CLSTN2: variants seen among roughly 807,000 people sequenced by gnomAD.
CLSTN2 encodes calsyntenin 2.
In CLSTN2, 48 loss-of-function variants were observed where a neutral mutation model predicts 101.2. That is an observed-to-expected ratio of 0.47 (90% CI 0.38 to 0.60). CLSTN2 has a LOEUF of 0.60. CLSTN2 is among the 20% of genes least tolerant of loss of function. CLSTN2 has a pLI of 0.00. For missense variants in CLSTN2, 1,160 were observed against 1,238.2 expected, an observed-to-expected ratio of 0.94 and a Z score of 0.95; for synonymous variants, 481 against 463.6, an observed-to-expected ratio of 1.04 and a Z score of -0.48.
chr3:139,942,838 C>A (rs566047633), intron 1 of CLSTN2, among the ~76,000 whole-genome samples: 1 of 152,262 alleles, frequency 6.6e-6, no homozygotes, highest in African/African-American at 2.4e-5. Flanking sequence ...ACTTGAAGCC[C>A]ATTTCTTTCA....
At chr3:140,304,595 C>T (rs1032554545) in intron 2 of CLSTN2, among the ~76,000 whole-genome samples, 2 of 152,212 alleles carry the variant, frequency 1.3e-5, no homozygotes, top group Non-Finnish European at 2.9e-5. Context: ...TTCCAAATAC[C>T]CTCATATTGG....
At chr3:140,089,177 C>T (rs968019550) in intron 1 of CLSTN2, among the ~76,000 whole-genome samples, 1 of 152,192 alleles carries the variant, frequency 6.6e-6, no homozygotes, top group Admixed American at 6.5e-5. Context: ...GGGCTCACAC[C>T]TTTTACCTCA....
At chr3:140,447,912 TA>T (rs1933124818) in intron 5 of CLSTN2, among the ~76,000 whole-genome samples, 1 of 152,180 alleles carries the variant, frequency 6.6e-6, no homozygotes, top group Non-Finnish European at 1.5e-5. Flanking sequence ...GAAATGAATG[TA>T]AGAAGGTTGC....
intron 1 of CLSTN2, among the ~76,000 whole-genome samples, chr3:140,128,696 C>A (rs996468809): frequency 1.3e-5 from 2 of 152,152 alleles, no homozygotes; most frequent in Admixed American, 1.3e-4. Context: ...CGAATAAATA[C>A]CCCAATTCCT....
At chr3:139,938,392 T>G (rs573482224) in intron 1 of CLSTN2, among the ~76,000 whole-genome samples, 1 of 152,312 alleles carries the variant, frequency 6.6e-6, no homozygotes, top group South Asian at 2.1e-4. Flanking sequence ...TGCTTCTTGC[T>G]TTAGGGACTC....
chr3:140,425,158 A>G (rs1034929471), intron 5 of CLSTN2, among the ~76,000 whole-genome samples: 1 of 152,188 alleles, frequency 6.6e-6, no homozygotes, highest in Admixed American at 6.5e-5. Flanking sequence ...CATTACACGC[A>G]AGAGCTCCCA....
chr3:140,076,543 A>G (rs1203968007), intron 1 of CLSTN2, among the ~76,000 whole-genome samples: 2 of 149,734 alleles, frequency 1.3e-5, no homozygotes, highest in Non-Finnish European at 1.5e-5. Context: ...GATGGATGTC[A>G]ATGCCGGCCT....
At chr3:140,071,700 G>A (rs1347365802) in intron 1 of CLSTN2, among the ~76,000 whole-genome samples, 7 of 151,934 alleles carry the variant, frequency 4.6e-5, no homozygotes, top group Non-Finnish European at 5.9e-5. Context: ...GCGTGGTGGC[G>A]GGCGCCTGTA....
chr3:139,977,596 A>G (rs548753332), intron 1 of CLSTN2, among the ~76,000 whole-genome samples: 8 of 152,204 alleles, frequency 5.3e-5, no homozygotes, highest in East Asian at 3.9e-4. Flanking sequence ...AGTCTGTGCC[A>G]GCACCATTCC....
intron 1 of CLSTN2, among the ~76,000 whole-genome samples, chr3:139,999,694 C>T (rs1241648882): frequency 6.6e-6 from 1 of 152,172 alleles, no homozygotes; most frequent in Non-Finnish European, 1.5e-5. Context: ...AAATTGGAGA[C>T]AGACAATTTG....
intron 2 of CLSTN2, among the ~76,000 whole-genome samples, chr3:140,353,647 T>C (rs558452567): frequency 6.6e-6 from 1 of 152,156 alleles, no homozygotes; most frequent in African/African-American, 2.4e-5. Flanking sequence ...ATCACACCAA[T>C]GAGGTCCTAG....
At position 140,167,946 on chromosome 3, in the gene CLSTN2, C is replaced by A. The variant is rs137924582; in HGVS notation, c.110-8005C>A. On this transcript the variant is annotated intron_variant, in intron 1 of 16. Coordinates refer to ENST00000458420, the MANE Select transcript of CLSTN2 (RefSeq NM_022131.3). Reference sequence around the variant, plus strand: ...TCTGGATATTCTGCAATTTGTTTATCCATTCACTAGTTGACGGCCATTTTA... The same window carrying A: ...TCTGGATATTCTGCAATTTGTTTATACATTCACTAGTTGACGGCCATTTTA... 3.1e-3 allele frequency among the ~76,000 whole-genome samples: 473 copies of A among 152,246 alleles called. 5 individuals are homozygous for A. Among genetic ancestry groups the A allele is most frequent in the African/African-American group, 0.011 (460 of 41,522 alleles).
rs768744258 is a variant in CLSTN2 at position 139,990,794 on chromosome 3, A to G, written c.109+55311A>G. 6.6e-5 allele frequency among the ~76,000 whole-genome samples: 10 copies of G among 152,316 alleles called. No individual in the cohort carries two copies. In the South Asian group the frequency reaches 1.9e-3, roughly 28 times the overall value. On this transcript the variant is annotated intron_variant, in intron 1 of 16. Transcript: ENST00000458420. ...AAGATGCCCTTGTAGTTCTCACTGTAATGGTTTAATTCACTTGTTTTCCCC... is the reference window on the plus strand; with the variant it reads ...AAGATGCCCTTGTAGTTCTCACTGTGATGGTTTAATTCACTTGTTTTCCCC...
At chr3:140,539,092 C>T (rs779349390) in intron 9 of CLSTN2, among the ~76,000 whole-genome samples, 3 of 152,186 alleles carry the variant, frequency 2.0e-5, no homozygotes, top group East Asian at 1.9e-4. Flanking sequence ...TCTGAGAGAT[C>T]CTCTCCTCTG....
chr3:140,203,573 C>A (rs1336785508), intron 2 of CLSTN2, among the ~76,000 whole-genome samples: 1 of 141,328 alleles, frequency 7.1e-6, no homozygotes, highest in Admixed American at 7.7e-5. Context: ...GACCACGGTG[C>A]AATTTGGCGC....
rs150439274 is a variant in CLSTN2, at chr3:140,257,900, A to G, written c.232+81827A>G. On this transcript the variant is annotated intron_variant, in intron 2 of 16. Transcript: ENST00000458420. Reference sequence around the variant, plus strand: ...CCAATAGACAAATAACTGGGTCAAAAGATATAAACATAGTTAAGGCTCTTC... The same window carrying G: ...CCAATAGACAAATAACTGGGTCAAAGGATATAAACATAGTTAAGGCTCTTC... 2.8e-3 allele frequency among the ~76,000 whole-genome samples: 428 copies of G among 152,272 alleles called. 1 individual carries two copies. Among genetic ancestry groups the G allele is most frequent in the African/African-American group, 9.6e-3 (397 of 41,554 alleles).
At chr3:139,996,428 C>T (rs1472465063) in intron 1 of CLSTN2, among the ~76,000 whole-genome samples, 4 of 152,114 alleles carry the variant, frequency 2.6e-5, no homozygotes, top group Admixed American at 1.3e-4. Context: ...CTCGCTCTGT[C>T]GCCCAGGCTG....
intron 2 of CLSTN2, among the ~76,000 whole-genome samples, chr3:140,362,044 T>A (rs1164400488): frequency 6.6e-6 from 1 of 152,176 alleles, no homozygotes; most frequent in Non-Finnish European, 1.5e-5. Flanking sequence ...AGTCAAAGAC[T>A]TAGGCTTTGT....
intron 1 of CLSTN2, among the ~76,000 whole-genome samples, chr3:140,082,045 T>C (rs1204156354): frequency 1.3e-5 from 2 of 152,152 alleles, no homozygotes; most frequent in South Asian, 2.1e-4. Flanking sequence ...ACAAGCCTAT[T>C]AGAGGTGCTA....
Sources: gnomAD v4.1 joint callset for allele counts (sites outside exome capture counted in the v4.1 genomes callset) on GRCh38, gnomAD v4.1.1 for gene constraint, MANE v1.5 for transcripts, NCBI Gene and HGNC (gene_info 2026-07-23, HGNC 2026-07-21) for gene names.